CSMD3: variants seen among roughly 807,000 people sequenced by gnomAD.
CSMD3 encodes CUB and Sushi multiple domains 3, also known as CUB and sushi domain-containing protein 3.
CSMD3 carries 177 observed loss-of-function variants against 435.2 expected under a neutral mutation model. The observed-to-expected ratio is 0.41, with a 90% CI of 0.36 to 0.46. The LOEUF (loss-of-function observed/expected upper bound fraction) is 0.46. CSMD3 is among the 20% of genes least tolerant of loss of function. The probability of loss-of-function intolerance (pLI) is 0.34; values close to 1 mark genes in which losing one functional copy is unlikely to be tolerated. For synonymous variants in CSMD3, 1,656 were observed against 1,520.5 expected, an observed-to-expected ratio of 1.09 and a Z score of -2.07; for missense variants, 4,265 against 4,504.6, an observed-to-expected ratio of 0.95 and a Z score of 1.52.
At chr8:112,669,774 A>T (rs113446073) in intron 16 of CSMD3, among the ~76,000 whole-genome samples, 2,919 of 152,242 alleles carry the variant, frequency 0.019, 51 homozygotes, top group Middle Eastern at 0.048. Flanking sequence ...ACTAATGAAC[A>T]TTTATGGAAT....
In CSMD3 at chr8:112,544,613, T is replaced by A. The variant is rs190351898; in HGVS notation, c.4564+6058A>T. Among the ~76,000 whole-genome samples the A allele has an allele frequency of 3.6e-3, 543 of 152,312 alleles. 1 individual carries two copies. The highest frequency in any genetic ancestry group is 0.013 in the African/African-American group (520 of 41,564). On this transcript the variant is annotated intron_variant, in intron 27 of 70. Coordinates refer to ENST00000297405, the MANE Select transcript of CSMD3 (RefSeq NM_198123.2). ...GCTACTCTCTGCTTTTTAAAAAAAT[T>A]TGTTTCTGGATGTATGAAATTCTTG...
intron 9 of CSMD3, among the ~76,000 whole-genome samples, chr8:112,923,634 C>T (rs985956781): frequency 2.0e-5 from 3 of 152,092 alleles, no homozygotes; most frequent in Non-Finnish European, 4.4e-5. Context: ...TACGCCTATT[C>T]CATTATCTTC....
chr8:112,901,161 G>C (rs1317945116), intron 10 of CSMD3, among the ~76,000 whole-genome samples: 3 of 151,334 alleles, frequency 2.0e-5, no homozygotes, highest in African/African-American at 7.2e-5. Context: ...GGCAAATTGT[G>C]AGAATTTTGA....
intron 13 of CSMD3, among the ~76,000 whole-genome samples, chr8:112,778,512 A>G (rs1317475681): frequency 1.3e-5 from 2 of 151,978 alleles, no homozygotes; most frequent in Non-Finnish European, 2.9e-5. Flanking sequence ...GCTTCTAAGT[A>G]TCCTCCATGT....
chr8:113,394,580 T>C (rs1447755212), intron 1 of CSMD3, among the ~76,000 whole-genome samples: 1 of 152,126 alleles, frequency 6.6e-6, no homozygotes, highest in Non-Finnish European at 1.5e-5. Flanking sequence ...TTTTTACCTC[T>C]TCACAATGTG....
chr8:113,138,262 G>C (rs1026922035), intron 4 of CSMD3, among the ~76,000 whole-genome samples: 2 of 151,368 alleles, frequency 1.3e-5, no homozygotes, highest in Non-Finnish European at 3.0e-5. Context: ...TTTTAGTGAT[G>C]TATAGGCTAT....
intron 5 of CSMD3, among the ~76,000 whole-genome samples, chr8:113,049,806 TAAAG>T: frequency 6.6e-6 from 1 of 152,322 alleles, no homozygotes; most frequent in South Asian, 2.1e-4. Flanking sequence ...TAAATATTGA[TAAAG>T]AGAATATTTT....
intron 4 of CSMD3, among the ~76,000 whole-genome samples, chr8:113,152,968 C>CAGAAA (rs1204299841): frequency 7.3e-6 from 1 of 136,764 alleles, no homozygotes; most frequent in Non-Finnish European, 1.6e-5. Flanking sequence ...GAGACTCTTT[C>CAGAAA]AGAAAAGAAA....
rs796331193 is a variant in CSMD3 at position 112,741,772 on chromosome 8, T to TGATA, written c.1973-51726_1973-51723dup. ...GCAATATAGATAAATGATAGATAGA[T>TGATA]GATAGATAGATAGATAGAGAGAAGA... On this transcript the variant is annotated intron_variant, in intron 13 of 70. Transcript: ENST00000297405. Among the ~76,000 whole-genome samples the TGATA allele has an allele frequency of 1.1e-3, 142 of 133,816 alleles. 2 individuals carry two copies. Among genetic ancestry groups the TGATA allele is most frequent in the African/African-American group, 3.8e-3 (136 of 35,998 alleles). 87.8% of individuals were successfully genotyped at this position (133,816 alleles called of 152,430 possible).
At chr8:112,967,223 T>C (rs1267132382) in intron 7 of CSMD3, among the ~76,000 whole-genome samples, 1 of 151,934 alleles carries the variant, frequency 6.6e-6, no homozygotes, top group Non-Finnish European at 1.5e-5. Flanking sequence ...ATTATTTGTC[T>C]GCTTGCTCCT....
chr8:112,874,205 G>C (rs768864741), intron 10 of CSMD3, among the ~76,000 whole-genome samples: 6 of 152,114 alleles, frequency 3.9e-5, no homozygotes, highest in Non-Finnish European at 8.8e-5. Flanking sequence ...CAGTTTCCAT[G>C]TAGTTGTGCA....
Position 112,406,731 on chromosome 8 carries a change from T to G in CSMD3, c.5606-4A>C. 1 of 1,550,696 alleles carries G rather than the reference T, an allele frequency of 6.4e-7. No homozygotes were observed. The highest frequency in any genetic ancestry group is 8.8e-7 in the Non-Finnish European group (1 of 1,132,600). ...GTAGAACTTGTTCTAGGAACAGCTG[T>G]GTAGAAATATTATATTTATTTTAAT... On this transcript the variant is annotated splice_polypyrimidine_tract_variant and splice_region_variant and intron_variant, in intron 34 of 70. Coordinates refer to ENST00000297405, the MANE Select transcript of CSMD3 (RefSeq NM_198123.2).
intron 28 of CSMD3, among the ~76,000 whole-genome samples, chr8:112,511,045 C>G (rs1430583496): frequency 6.6e-6 from 1 of 152,120 alleles, no homozygotes; most frequent in African/African-American, 2.4e-5. Context: ...CGTATACAGG[C>G]ATACGTTAGG....
chr8:112,245,713 A>T (rs541964847), intron 64 of CSMD3, among the ~76,000 whole-genome samples: 1 of 152,124 alleles, frequency 6.6e-6, no homozygotes, highest in African/African-American at 2.4e-5. Flanking sequence ...AATTTTTTAT[A>T]TTTTTAATAG....
chr8:112,806,251 G>T (rs1170347801), intron 12 of CSMD3, among the ~76,000 whole-genome samples: 1 of 152,156 alleles, frequency 6.6e-6, no homozygotes, highest in Non-Finnish European at 1.5e-5. Context: ...AGCTTTGGGA[G>T]TTCCAAATTT....
At chr8:112,545,931 G>T (rs749333359) in intron 27 of CSMD3, among the ~76,000 whole-genome samples, 1 of 152,132 alleles carries the variant, frequency 6.6e-6, no homozygotes, top group Non-Finnish European at 1.5e-5. Context: ...TAGTAAACCA[G>T]GGAAGAGCAG....
At chr8:112,461,530 A>C (rs1218515436) in intron 32 of CSMD3, among the ~76,000 whole-genome samples, 1 of 152,164 alleles carries the variant, frequency 6.6e-6, no homozygotes, top group Non-Finnish European at 1.5e-5. Context: ...TACTCTCTAT[A>C]TGAATATTCA....
At chr8:112,404,265 C>T (rs550208163) in intron 35 of CSMD3, among the ~76,000 whole-genome samples, 8 of 152,192 alleles carry the variant, frequency 5.3e-5, no homozygotes, top group South Asian at 2.1e-4. Flanking sequence ...TGCGGTGGCT[C>T]GCACCTATAA....
chr8:113,352,885 C>T (rs997067759), intron 1 of CSMD3, among the ~76,000 whole-genome samples: 1 of 152,110 alleles, frequency 6.6e-6, no homozygotes, highest in Non-Finnish European at 1.5e-5. Context: ...CAAAAAGCCA[C>T]GCATTAATAT....
Sources: allele counts gnomAD v4.1 joint callset (sites outside exome capture counted in the v4.1 genomes callset), GRCh38; gene constraint gnomAD v4.1.1; transcripts MANE v1.5; gene names NCBI Gene and HGNC (gene_info 2026-07-23, HGNC 2026-07-21).